The following NIBAN1 variants were observed in gnomAD, a reference collection of about 807,000 sequenced individuals.
NIBAN1 encodes niban apoptosis regulator 1.
Under a neutral mutation model 75.1 loss-of-function variants are expected in NIBAN1, and 81 were observed. The ratio of observed to expected loss-of-function variants is 1.08; its 90% CI spans 0.90 to 1.30. NIBAN1 has a LOEUF of 1.30. NIBAN1 is among the 50% of genes most tolerant of loss of function. The pLI is 0.00. For synonymous variants in NIBAN1, 436 were observed against 424.8 expected, an observed-to-expected ratio of 1.03 and a Z score of -0.32; for missense variants, 1,133 against 1,128.1, an observed-to-expected ratio of 1.00 and a Z score of -0.06.
intron 5 of NIBAN1, among the ~76,000 whole-genome samples, chr1:184,874,345 TA>T (rs1656181152): frequency 1.3e-5 from 2 of 151,956 alleles, no homozygotes; most frequent in Non-Finnish European, 2.9e-5. Flanking sequence ...GTAAAAAAAC[TA>T]AATGCTCATT....
intron 1 of NIBAN1, among the ~76,000 whole-genome samples, chr1:184,926,440 G>A (rs1415604905): frequency 1.3e-5 from 2 of 152,166 alleles, no homozygotes; most frequent in Non-Finnish European, 2.9e-5. Flanking sequence ...GCTTCACCAT[G>A]TTGGCCAGGC....
intron 8 of NIBAN1, among the ~76,000 whole-genome samples, chr1:184,819,812 G>A (rs993385475): frequency 2.0e-5 from 3 of 152,194 alleles, no homozygotes; most frequent in Admixed American, 6.5e-5. Context: ...GATGTTTGAT[G>A]ACTGGACAAA....
At chr1:184,966,361 G>C (rs146499827) in intron 1 of NIBAN1, among the ~76,000 whole-genome samples, 1 of 152,332 alleles carries the variant, frequency 6.6e-6, no homozygotes, top group African/African-American at 2.4e-5. Context: ...AGGTCATGTA[G>C]AAAGGCCACC....
chr1:184,842,229 T>C (rs1387875238), intron 5 of NIBAN1, among the ~76,000 whole-genome samples: 1 of 152,232 alleles, frequency 6.6e-6, no homozygotes, highest in Non-Finnish European at 1.5e-5. Context: ...TGATGTACTC[T>C]ACCCCAGTGC....
chr1:184,913,154 T>TATATA (rs1553227228), intron 1 of NIBAN1, among the ~76,000 whole-genome samples: 6 of 146,670 alleles, frequency 4.1e-5, no homozygotes, highest in African/African-American at 1.5e-4. Context: ...TATATATATA[T>TATATA]TATATATATA....
intron 8 of NIBAN1, among the ~76,000 whole-genome samples, chr1:184,820,500 C>G (rs563359206): frequency 2.2e-4 from 34 of 152,330 alleles, no homozygotes; most frequent in African/African-American, 7.9e-4. Flanking sequence ...AAATTTCACC[C>G]TAATGTCCTG....
chr1:184,794,791 G>A lies in NIBAN1; in HGVS notation c.*186C>T, dbSNP rs1437590044. The A allele has an allele frequency of 1.5e-5, 11 of 730,930 alleles. No individual in the cohort carries two copies. Among genetic ancestry groups the A allele is most frequent in the African/African-American group, 8.8e-5 (5 of 56,724 alleles). 45.3% of individuals were successfully genotyped at this position (730,930 alleles called of 1,614,324 possible). A position where few individuals can be genotyped will look rare whatever the true frequency, so the allele number is the denominator to read the frequency against. On this transcript the variant is annotated 3_prime_UTR_variant, in exon 14 of 14. Transcript: ENST00000367511. ...AATACTAAAGCAAAAATTCATCGTA[G>A]AACAATTCATGTCCACAAAGGTTTG...
chr1:184,894,521 C>T (rs907609478), intron 2 of NIBAN1, among the ~76,000 whole-genome samples: 4 of 152,172 alleles, frequency 2.6e-5, no homozygotes, highest in Admixed American at 2.0e-4. Flanking sequence ...TCAATAAATG[C>T]TTGATAAACT....
In NIBAN1 at chr1:184,793,665, A is replaced by G. The variant is rs2102171697; in HGVS notation, c.*1312T>C. On this transcript the variant is annotated 3_prime_UTR_variant, in exon 14 of 14. Transcript: ENST00000367511. ...TGGTATTTTTCTGAAGGAGAAAAGA[A>G]CAACTCCTTTTAATCTTTTGGAAGC... The G allele has an allele frequency of 6.6e-6, 1 of 152,382 alleles. No homozygotes were observed. The highest frequency in any genetic ancestry group is 2.1e-4 in the South Asian group (1 of 4,828). 9.4% of individuals were successfully genotyped at this position (152,382 alleles called of 1,614,324 possible).
At chr1:184,950,097 AAG>A (rs989205467) in intron 1 of NIBAN1, among the ~76,000 whole-genome samples, 2 of 152,220 alleles carry the variant, frequency 1.3e-5, no homozygotes, top group Non-Finnish European at 2.9e-5. Flanking sequence ...TAAAAAAAAC[AAG>A]AGTTATAAAG....
At chr1:184,816,498 T>C (rs1654538541) in intron 9 of NIBAN1, among the ~76,000 whole-genome samples, 1 of 152,210 alleles carries the variant, frequency 6.6e-6, no homozygotes, top group South Asian at 2.1e-4. Flanking sequence ...GGAATTATTT[T>C]TAAACAAAAT....
intron 2 of NIBAN1, among the ~76,000 whole-genome samples, chr1:184,898,396 C>A (rs894898602): frequency 6.6e-6 from 1 of 152,142 alleles, no homozygotes; most frequent in Non-Finnish European, 1.5e-5. Context: ...AGGTGGATCA[C>A]TTGAGGTCAG....
At chr1:184,845,262 A>G (rs1287670154) in intron 5 of NIBAN1, among the ~76,000 whole-genome samples, 1 of 152,234 alleles carries the variant, frequency 6.6e-6, no homozygotes, top group East Asian at 1.9e-4. Context: ...TGAAAACGCT[A>G]AGCATTTACA....
intron 1 of NIBAN1, among the ~76,000 whole-genome samples, chr1:184,947,500 G>T (rs1225260312): frequency 2.0e-5 from 3 of 152,220 alleles, no homozygotes; most frequent in Non-Finnish European, 4.4e-5. Flanking sequence ...TATAGTTAAT[G>T]CTGCTGAATT....
At chr1:184,930,796 T>C (rs1162339615) in intron 1 of NIBAN1, among the ~76,000 whole-genome samples, 1 of 152,298 alleles carries the variant, frequency 6.6e-6, no homozygotes, top group East Asian at 1.9e-4. Context: ...AGCCCTTTGA[T>C]AAGATGATTG....
At chr1:184,951,046 CT>C (rs1203928160) in intron 1 of NIBAN1, among the ~76,000 whole-genome samples, 2 of 152,200 alleles carry the variant, frequency 1.3e-5, no homozygotes, top group Non-Finnish European at 2.9e-5. Context: ...GGAGCATGAA[CT>C]CAGCTCAGTT....
At chr1:184,972,666 T>A (rs1658969111) in intron 1 of NIBAN1, among the ~76,000 whole-genome samples, 2 of 152,206 alleles carry the variant, frequency 1.3e-5, no homozygotes, top group African/African-American at 4.8e-5. Flanking sequence ...ATTCAAACAC[T>A]TGCATTACAA....
chr1:184,832,383 C>T (rs559238426), intron 5 of NIBAN1, among the ~76,000 whole-genome samples: 1 of 152,288 alleles, frequency 6.6e-6, no homozygotes, highest in Non-Finnish European at 1.5e-5. Context: ...CTCTGTGACT[C>T]GGTATCAGCT....
intron 2 of NIBAN1, 33 bp downstream of exon 2, chr1:184,899,146 G>A (rs375848721): frequency 9.3e-6 from 15 of 1,611,724 alleles, no homozygotes; most frequent in Non-Finnish European, 1.3e-5. Flanking sequence ...TCTTCAAGGG[G>A]AAATACATGT....
Sources: gnomAD v4.1 joint callset for allele counts (sites outside exome capture counted in the v4.1 genomes callset) on GRCh38, gnomAD v4.1.1 for gene constraint, MANE v1.5 for transcripts, NCBI Gene and HGNC (gene_info 2026-07-23, HGNC 2026-07-21) for gene names.